The following CAST variants were observed in gnomAD, a reference collection of about 807,000 sequenced individuals.
The protein encoded by CAST is calpastatin, also known as MIR583 host.
In CAST, 76 loss-of-function variants were observed where a neutral mutation model predicts 119.6. That is an observed-to-expected ratio of 0.64 (90% CI 0.53 to 0.77). The LOEUF is 0.77. CAST is among the 30% of genes least tolerant of loss of function. The pLI is 0.00. For synonymous variants in CAST, 319 were observed against 331.6 expected, an observed-to-expected ratio of 0.96 and a Z score of 0.41; for missense variants, 953 against 946.5, an observed-to-expected ratio of 1.01 and a Z score of -0.09.
the CAST span, among the ~76,000 whole-genome samples, chr5:96,212,740 G>T: frequency 6.6e-6 from 1 of 152,014 alleles, no homozygotes; most frequent in African/African-American, 2.4e-5. Flanking sequence ...ACCAGTTTTT[G>T]TTTCAGATAT....
chr5:96,508,490 T>C, the CAST span, among the ~76,000 whole-genome samples: 3 of 152,214 alleles, frequency 2.0e-5, no homozygotes, highest in Non-Finnish European at 4.4e-5. Flanking sequence ...TCACCACACT[T>C]TAAAATTTGA....
the CAST span, among the ~76,000 whole-genome samples, chr5:96,017,900 G>A: frequency 1.3e-5 from 2 of 152,086 alleles, no homozygotes; most frequent in African/African-American, 4.8e-5. Flanking sequence ...AATTTATATA[G>A]GGTATGTTTA....
At chr5:96,619,516 T>C (rs918816544) in intron 1 of CAST, among the ~76,000 whole-genome samples, 4 of 152,258 alleles carry the variant, frequency 2.6e-5, no homozygotes, top group African/African-American at 9.6e-5. Flanking sequence ...AGCAACCTGC[T>C]GGGTCCTCTT....
At chr5:96,601,710 A>C (rs1747155909) in intron 1 of CAST, among the ~76,000 whole-genome samples, 1 of 152,186 alleles carries the variant, frequency 6.6e-6, no homozygotes. Context: ...TCCTTTGTGC[A>C]TCTGAAAATA....
At chr5:96,467,300 G>A in the CAST span, among the ~76,000 whole-genome samples, 2 of 151,986 alleles carry the variant, frequency 1.3e-5, no homozygotes, top group Non-Finnish European at 2.9e-5. Context: ...TGACTTTGAT[G>A]TGGTTTTTGC....
intron 3 of CAST, among the ~76,000 whole-genome samples, chr5:96,707,429 C>T (rs1044091613): frequency 1.1e-4 from 17 of 151,794 alleles, no homozygotes; most frequent in Non-Finnish European, 1.8e-4. Context: ...CTCTGTTTCC[C>T]GGGCTGGAGT....
chr5:96,091,413 C>T, the CAST span, among the ~76,000 whole-genome samples: 2 of 151,462 alleles, frequency 1.3e-5, no homozygotes, highest in African/African-American at 4.9e-5. Context: ...CCATGTTAGG[C>T]TGGCAGATCT....
the CAST span, among the ~76,000 whole-genome samples, chr5:96,431,904 A>G: frequency 6.6e-6 from 1 of 152,076 alleles, no homozygotes; most frequent in African/African-American, 2.4e-5. Flanking sequence ...CGAGCCAAGG[A>G]AAGGAAAGCT....
At chr5:96,663,154 G>A (rs760726044) in intron 1 of CAST, 1 of 702,530 alleles carries the variant, frequency 1.4e-6, no homozygotes, top group Admixed American at 2.0e-5. Flanking sequence ...TCGCCAGCTG[G>A]TGGTACAAGA....
At chr5:96,262,411 A>G in the CAST span, among the ~76,000 whole-genome samples, 3 of 152,176 alleles carry the variant, frequency 2.0e-5, no homozygotes, top group African/African-American at 7.2e-5. Context: ...TCCTTTCTTC[A>G]TGAGATTAAA....
At chr5:96,731,546 C>G (rs1471166407) in intron 9 of CAST, among the ~76,000 whole-genome samples, 1 of 142,118 alleles carries the variant, frequency 7.0e-6, no homozygotes, top group South Asian at 2.2e-4. Context: ...TACATGTGCA[C>G]ATTGTGCAGG....
At chr5:95,984,878 T>C in the CAST span, among the ~76,000 whole-genome samples, 1 of 152,178 alleles carries the variant, frequency 6.6e-6, no homozygotes, top group African/African-American at 2.4e-5. Context: ...AATGTTTTTA[T>C]ATTGATTACG....
the CAST span, among the ~76,000 whole-genome samples, chr5:96,180,501 A>G: frequency 3.3e-5 from 5 of 152,234 alleles, no homozygotes; most frequent in Non-Finnish European, 7.3e-5. Context: ...GGTCCTTCAC[A>G]TTCTCAGTCC....
intron 1 of CAST, among the ~76,000 whole-genome samples, chr5:96,607,865 G>A (rs1020582818): frequency 2.0e-5 from 3 of 152,038 alleles, no homozygotes; most frequent in African/African-American, 7.2e-5. Context: ...GAACATATGG[G>A]GTACATTGTG....
At chr5:96,344,581 C>T in the CAST span, among the ~76,000 whole-genome samples, 2 of 152,164 alleles carry the variant, frequency 1.3e-5, no homozygotes, top group Admixed American at 1.3e-4. Flanking sequence ...TCAGACTATT[C>T]TCACAATCAG....
upstream of CAST, among the ~76,000 whole-genome samples, chr5:96,526,217 A>G (rs977298855): frequency 9.2e-5 from 14 of 152,236 alleles, no homozygotes; most frequent in Non-Finnish European, 8.8e-5. Flanking sequence ...TGGCAGTCCC[A>G]CAAATACATG....
chr5:96,358,181 C>T, the CAST span, among the ~76,000 whole-genome samples: 2 of 152,080 alleles, frequency 1.3e-5, no homozygotes, highest in Non-Finnish European at 2.9e-5. Flanking sequence ...GTGATCTCCC[C>T]TCTATCATTT....
the CAST span, chr5:96,432,267 C>T: frequency 3.2e-4 from 235 of 738,802 alleles, 2 homozygotes; most frequent in Non-Finnish European, 2.0e-5. Context: ...CCATTTCTCC[C>T]CCCAGCTTCC....
rs776045205 is a variant in CAST at position 96,747,369 on chromosome 5, C to A, written c.1309C>A (p.Pro437Thr). Residue 437 changes from proline (P) to threonine (T), a missense_variant, in exon 18 of 32, where the codon CCA becomes ACA. Coordinates refer to ENST00000675179, the MANE Select transcript of CAST (RefSeq NM_001750.7). The stretch of plus-strand genomic sequence containing the variant: ...GGATAAAGATGGAAAACCACTATTG[C>A]CAGAGCCTGAAGAAAAACCCAAGGT... ...ATDKDGKPLL[P>T]EPEEKPKPRS... 52 of 1,595,178 alleles carry A rather than the reference C, an allele frequency of 3.3e-5. 1 individual carries two copies. The South Asian group carries it at 4.9e-4, about 15-fold the overall frequency.
Sources: allele counts gnomAD v4.1 joint callset (sites outside exome capture counted in the v4.1 genomes callset), GRCh38; gene constraint gnomAD v4.1.1; transcripts MANE v1.5; gene names NCBI Gene and HGNC (gene_info 2026-07-23, HGNC 2026-07-21).